IGF2BP1: variants seen among roughly 807,000 people sequenced by gnomAD.
The protein encoded by IGF2BP1 is insulin-like growth factor 2 mRNA-binding protein 1.
IGF2BP1 carries 11 observed loss-of-function variants against 74.9 expected under a neutral mutation model. The ratio of observed to expected loss-of-function variants is 0.15; its 90% confidence interval spans 0.09 to 0.24. The LOEUF is 0.24. IGF2BP1 is among the 10% of genes least tolerant of loss of function. The pLI is 1.00. For synonymous variants in IGF2BP1, 287 were observed against 281.8 expected, an observed-to-expected ratio of 1.02 and a Z score of -0.18; for missense variants, 440 against 757.4, an observed-to-expected ratio of 0.58 and a Z score of 4.92.
chr17:49,032,266 C>G (rs1160760456), intron 5 of IGF2BP1, among the ~76,000 whole-genome samples: 1 of 152,120 alleles, frequency 6.6e-6, no homozygotes, highest in Non-Finnish European at 1.5e-5. Flanking sequence ...AAATCCCTTG[C>G]AGAGAAAATG....
At chr17:49,011,700 A>C (rs1187486660) in intron 2 of IGF2BP1, among the ~76,000 whole-genome samples, 2 of 151,996 alleles carry the variant, frequency 1.3e-5, no homozygotes, top group Admixed American at 6.6e-5. Context: ...AAAAAAAAAA[A>C]ACGTTGGGAA....
chr17:49,043,014 G>C (rs1469684923), intron 9 of IGF2BP1, among the ~76,000 whole-genome samples: 2 of 152,068 alleles, frequency 1.3e-5, no homozygotes, highest in Non-Finnish European at 2.9e-5. Context: ...CTTGGGGTTG[G>C]GGTACAGGAC....
intron 2 of IGF2BP1, among the ~76,000 whole-genome samples, 164 bp from the exon 3 acceptor site, chr17:49,025,454 T>TC (rs774061988): frequency 3.3e-5 from 5 of 151,802 alleles, no homozygotes; most frequent in Non-Finnish European, 5.9e-5. Flanking sequence ...GTACCCCTAC[T>TC]CCAAGTCTCC....
intron 10 of IGF2BP1, among the ~76,000 whole-genome samples, 200 bp from the exon 11 acceptor site, chr17:49,043,767 C>T (rs547556690): frequency 1.3e-5 from 2 of 152,276 alleles, no homozygotes; most frequent in African/African-American, 2.4e-5. Context: ...CAGCACTGTT[C>T]CCTTACTCTC....
chr17:49,027,271 AAT>A (rs1379903840), intron 4 of IGF2BP1, among the ~76,000 whole-genome samples: 1 of 152,166 alleles, frequency 6.6e-6, no homozygotes, highest in Non-Finnish European at 1.5e-5. Context: ...CCAAGGTAGA[AAT>A]GGCTATCCCA....
intron 2 of IGF2BP1, among the ~76,000 whole-genome samples, chr17:49,023,177 G>A (rs1239293948): frequency 6.6e-6 from 1 of 152,126 alleles, no homozygotes; most frequent in Non-Finnish European, 1.5e-5. Flanking sequence ...CCAATGAATT[G>A]AATCACAAAA....
intron 7 of IGF2BP1, 100 bp from the exon 8 acceptor site, chr17:49,041,278 C>G: frequency 7.4e-7 from 1 of 1,346,166 alleles, no homozygotes; most frequent in Non-Finnish European, 1.0e-6. Context: ...AGATGTTTTA[C>G]TTGGAAATGC....
In IGF2BP1 at chr17:48,997,793, G is replaced by C; in HGVS notation, c.48G>C (p.Ala16=). 1 of 1,614,064 alleles carries C rather than the reference G, an allele frequency of 6.2e-7. No homozygotes were observed. Among genetic ancestry groups the C allele is most frequent in the Non-Finnish European group, 8.5e-7 (1 of 1,179,980 alleles). ...IGNLNESVTP[A]DLEKVFAEHK... is the part of the protein sequence containing the mutation. Reference sequence around the variant, plus strand: ...ACCTCAACGAGAGCGTGACCCCCGCGGACTTGGAGAAAGTGTTTGCGGAGC... The same window carrying C: ...ACCTCAACGAGAGCGTGACCCCCGCCGACTTGGAGAAAGTGTTTGCGGAGC... Residue 16 remains alanine (A), a synonymous_variant, in exon 1 of 15, where the codon GCG becomes GCC. Coordinates refer to ENST00000290341, the MANE Select transcript of IGF2BP1 (RefSeq NM_006546.4). This position sits in a 1 kb window ranked among gnomAD's most constrained non-coding sequence, Gnocchi z 4.8.
rs139671755 is a variant in IGF2BP1 at position 49,038,231 on chromosome 17, C to G, written c.465C>G (p.Pro155=). ...ATGCCCTGAAGGTCTCCTACATCCC[C>G]GATGAGCAGATAGCACAGGGACCTG... ...ENHALKVSYI[P]DEQIAQGPEN... Residue 155 remains proline, a synonymous_variant, in exon 6 of 15, where the codon CCC becomes CCG. Coordinates refer to ENST00000290341, the MANE Select transcript of IGF2BP1 (RefSeq NM_006546.4). 17 of 1,576,956 alleles carry G rather than the reference C, an allele frequency of 1.1e-5. No homozygotes were observed. The highest frequency in any genetic ancestry group is 1.7e-4 in the Middle Eastern group (1 of 5,930).
At chr17:49,022,530 T>C (rs1452710316) in intron 2 of IGF2BP1, among the ~76,000 whole-genome samples, 1 of 151,762 alleles carries the variant, frequency 6.6e-6, no homozygotes, top group Non-Finnish European at 1.5e-5. Context: ...GAGGGCTGGG[T>C]GAGTCCCTGC....
chr17:49,034,765 C>CAAACAA (rs1555600304), intron 5 of IGF2BP1, among the ~76,000 whole-genome samples: 5,136 of 137,524 alleles, frequency 0.037, 151 homozygotes, highest in South Asian at 0.086. Flanking sequence ...ACAAAAAAAA[C>CAAACAA]AAAAAAAACG....
At chr17:49,033,220 C>G (rs1413154561) in intron 5 of IGF2BP1, among the ~76,000 whole-genome samples, 1 of 152,156 alleles carries the variant, frequency 6.6e-6, no homozygotes, top group Non-Finnish European at 1.5e-5. Context: ...GCAATCTTGG[C>G]TCACTGCAAC....
chr17:49,002,240 G>C (rs968553673), intron 2 of IGF2BP1, among the ~76,000 whole-genome samples: 29 of 152,186 alleles, frequency 1.9e-4, no homozygotes. Context: ...CCAAAAGAAA[G>C]TGTCCAAATT....
At chr17:49,024,009 C>T (rs746299673) in intron 2 of IGF2BP1, among the ~76,000 whole-genome samples, 24 of 150,682 alleles carry the variant, frequency 1.6e-4, no homozygotes, top group Non-Finnish European at 2.7e-4. Flanking sequence ...CTCTGCCTCC[C>T]TGGTTCAAGC....
intron 2 of IGF2BP1, among the ~76,000 whole-genome samples, chr17:48,999,741 C>CA (rs907270461): frequency 7.9e-5 from 12 of 151,650 alleles, no homozygotes; most frequent in Non-Finnish European, 2.9e-5. Flanking sequence ...CCTCATATCT[C>CA]ACATCATCCC....
chr17:49,026,280 A>G, intron 3 of IGF2BP1, 186 bp from the exon 4 acceptor site: 1 of 533,034 alleles, frequency 1.9e-6, no homozygotes, highest in South Asian at 2.8e-5. Flanking sequence ...ACTTAAGTAC[A>G]CTCCTGCAAA....
intron 2 of IGF2BP1, among the ~76,000 whole-genome samples, chr17:49,023,631 G>A (rs1410380750): frequency 1.3e-5 from 2 of 152,178 alleles, no homozygotes; most frequent in African/African-American, 2.4e-5. Context: ...ACTGAGGCCC[G>A]AAGCTTAAGA....
At chr17:49,019,955 TACACACAC>T (rs61213607) in intron 2 of IGF2BP1, among the ~76,000 whole-genome samples, 20 of 78,466 alleles carry the variant, frequency 2.5e-4, no homozygotes, top group Admixed American at 9.5e-4. Flanking sequence ...TATATTTATA[TACACACAC>T]ACACACACAC....
In IGF2BP1 at chr17:48,997,979, C is replaced by T. The variant is rs774094721; in HGVS notation, c.175+59C>T. The T allele has an allele frequency of 6.7e-5, 104 of 1,559,564 alleles. 1 individual carries two copies. Among genetic ancestry groups the T allele is most frequent in the South Asian group, 5.1e-4 (43 of 85,098 alleles). ...ACGAGAGCCCCGAACAACGGAGACC[C>T]GCACCTTCCGGTTCCTCTCCCGCCA... On this transcript the variant is annotated intron_variant, in intron 1 of 14. Transcript: ENST00000290341. This position sits in a 1 kb window ranked among gnomAD's most constrained non-coding sequence, Gnocchi z 4.8.
Sources: allele counts gnomAD v4.1 joint callset (sites outside exome capture counted in the v4.1 genomes callset), GRCh38; gene constraint gnomAD v4.1.1; non-coding constraint Gnocchi (gnomAD v3.1); transcripts MANE v1.5; gene names NCBI Gene and HGNC (gene_info 2026-07-23, HGNC 2026-07-21).